The following RPSA variants were observed in gnomAD, a reference collection of about 807,000 sequenced individuals.
RPSA encodes the protein ribosomal protein SA, also known as small ribosomal subunit protein uS2.
For missense variants in RPSA, 140 were observed against 372.8 expected, an observed-to-expected ratio of 0.38 and a Z score of 5.14; for synonymous variants, 103 against 126.7, an observed-to-expected ratio of 0.81 and a Z score of 1.25.
chr3:39,407,634 C>T lies in RPSA; in HGVS notation c.-20C>T, dbSNP rs1207373945. The T allele has an allele frequency of 2.5e-6, 4 of 1,592,774 alleles. No individual in the cohort carries two copies. Among genetic ancestry groups the T allele is most frequent in the Admixed American group, 1.7e-5 (1 of 59,976 alleles). ...CTCTTATTTCAGATTCCCGTCGTAA[C>T]TTAAAGGGAAATTTTCACAATGTCC... On this transcript the variant is annotated 5_prime_UTR_variant, in exon 2 of 7. Coordinates refer to ENST00000301821, the MANE Select transcript of RPSA (RefSeq NM_002295.6).
chr3:39,408,862 G>A lies in RPSA; in HGVS notation c.252+138G>A, dbSNP rs934871543. Reference sequence around the variant, plus strand: ...GCCTGTAATCCCAGCACTTTGGGAGGTGGAGTCCGGCGTATTACGAGGTCA... The same window carrying A: ...GCCTGTAATCCCAGCACTTTGGGAGATGGAGTCCGGCGTATTACGAGGTCA... On this transcript the variant is annotated intron_variant, in intron 3 of 6. Transcript: ENST00000301821. 9.1e-5 allele frequency: 61 copies of A among 669,850 alleles called. No individual in the cohort carries two copies. The African/African-American group carries it at 1.0e-3, about 12-fold the overall frequency. The allele number at this position is 669,850 out of a possible 1,614,324, so 41.5% of individuals were successfully genotyped here.
intron 4 of RPSA, chr3:39,411,288 T>C: frequency 4.5e-6 from 3 of 667,934 alleles, no homozygotes; most frequent in Non-Finnish European, 8.3e-6. Flanking sequence ...TCCATGTTTC[T>C]TGCTCAGGCC....
intron 6 of RPSA, 93 bp from the exon 7 acceptor site, chr3:39,412,181 A>G: frequency 7.6e-7 from 1 of 1,321,840 alleles, no homozygotes; most frequent in Non-Finnish European, 1.1e-6. Flanking sequence ...CCAGTGTGCT[A>G]CAGCATCTGA....
rs150448387 is a variant in RPSA, at chr3:39,410,503, A to T, written c.253-251A>T. On this transcript the variant is annotated intron_variant, in intron 3 of 6. Coordinates refer to ENST00000301821, the MANE Select transcript of RPSA (RefSeq NM_002295.6). ...CAGTTCTTGCTTGCTTGAGAAAAATATACTGAGCATCTAGATTGGGCCAGG... is the reference window on the plus strand; with the variant it reads ...CAGTTCTTGCTTGCTTGAGAAAAATTTACTGAGCATCTAGATTGGGCCAGG... The T allele has an allele frequency of 2.8e-3, 1,417 of 508,242 alleles. 5 individuals are homozygous for T. Among genetic ancestry groups the T allele is most frequent in the Non-Finnish European group, 4.1e-3 (1,154 of 280,070 alleles). 31.5% of individuals were successfully genotyped at this position (508,242 alleles called of 1,614,324 possible).
chr3:39,412,297 A>G lies in RPSA; in HGVS notation c.817A>G (p.Thr273Ala). The G allele has an allele frequency of 6.2e-7, 1 of 1,611,094 alleles. No homozygotes were observed. The highest frequency in any genetic ancestry group is 8.5e-7 in the Non-Finnish European group (1 of 1,177,526). The change falls in exon 7 of 7, where the codon ACG becomes GCG. Residue 273 changes from threonine to alanine, a missense_variant. Coordinates refer to ENST00000301821, the MANE Select transcript of RPSA (RefSeq NM_002295.6). The part of the protein sequence containing the change: ...PTEDWSAQPA[T>A]EDWSAAPTAQ... ...AGAAGACTGGAGCGCTCAGCCTGCC[A>G]CGGAAGACTGGTCTGCAGCTCCCAC...
At chr3:39,407,491 C>G in intron 1 of RPSA, 130 bp from the exon 2 acceptor site, 1 of 749,616 alleles carries the variant, frequency 1.3e-6, no homozygotes, top group Non-Finnish European at 2.4e-6. Context: ...GGTTAACTTT[C>G]TGTTTACCCT....
intron 1 of RPSA, chr3:39,407,001 T>A (rs939733992): frequency 1.8e-5 from 8 of 453,124 alleles, no homozygotes; most frequent in Non-Finnish European, 3.1e-5. Flanking sequence ...GAGCTGGGGT[T>A]CGGACCAGGC....
At chr3:39,408,290 AAG>A in intron 2 of RPSA, 2 of 507,324 alleles carry the variant, frequency 3.9e-6, no homozygotes, top group South Asian at 3.5e-5. Flanking sequence ...ATAAAAGGGA[AAG>A]AGTGGCAGAA....
At chr3:39,408,365 ATGG>A in intron 2 of RPSA, 1 of 704,180 alleles carries the variant, frequency 1.4e-6, no homozygotes, top group Non-Finnish European at 2.6e-6. Flanking sequence ...GAAAGGAAAG[ATGG>A]ATTTAGCCAA....
Position 39,411,876 on chromosome 3 carries a change from C to CTT in RPSA, c.628-11_628-10dup, listed in dbSNP as rs201617825. The CTT allele has an allele frequency of 3.0e-6, 4 of 1,344,746 alleles. No individual in the cohort carries two copies. The highest frequency in any genetic ancestry group is 1.3e-5 in the South Asian group (1 of 77,396). 83.3% of individuals were successfully genotyped at this position (1,344,746 alleles called of 1,614,324 possible). On this transcript the variant is annotated intron_variant, in intron 5 of 6. Transcript: ENST00000301821. The stretch of plus-strand genomic sequence containing the variant: ...TTGTCAGTCCCTGTAAGTCTTTCCT[C>CTT]TTTTTTTTTTGTAACCCAGATTGAA...
intron 3 of RPSA, among the ~76,000 whole-genome samples, chr3:39,409,696 A>G (rs562768729): frequency 7.7e-4 from 117 of 152,344 alleles, no homozygotes; most frequent in African/African-American, 2.6e-3. Context: ...TTAGCCAGTC[A>G]TGACGGCATG....
In RPSA at chr3:39,412,522, G is replaced by C; in HGVS notation, c.*154G>C. ...AAGCATAATAATAAATACATGTCTC[G>C]ACATGAGTTGTACTTCTAAAGCCCA... is the stretch of plus-strand genomic sequence containing the variant. On this transcript the variant is annotated 3_prime_UTR_variant, in exon 7 of 7. Transcript: ENST00000301821. 1.7e-6 allele frequency: 1 copy of C among 602,176 alleles called. No homozygotes were observed. The highest frequency in any genetic ancestry group is 2.9e-6 in the Non-Finnish European group (1 of 340,060). 37.3% of individuals were successfully genotyped at this position (602,176 alleles called of 1,614,324 possible).
intron 3 of RPSA, 111 bp from the exon 4 acceptor site, chr3:39,410,643 C>A: frequency 8.1e-7 from 1 of 1,232,034 alleles, no homozygotes; most frequent in Non-Finnish European, 1.2e-6. Context: ...TATGTGCCTG[C>A]TTTACATGGA....
In RPSA at chr3:39,408,601, CT is replaced by C; in HGVS notation, c.134-3del. 6.7e-7 allele frequency: 1 copy of C among 1,491,240 alleles called. No homozygotes were observed. The allele number at this position is 1,491,240 out of a possible 1,614,324, so 92.4% of individuals were successfully genotyped here. ...AGTGTTACAAATCCTTCTGCCCTCACTTAGGCATCTATATCATAAATCTCAA... is the reference window on the plus strand; with the variant it reads ...AGTGTTACAAATCCTTCTGCCCTCACTAGGCATCTATATCATAAATCTCAA... On this transcript the variant is annotated splice_region_variant and splice_polypyrimidine_tract_variant and intron_variant, in intron 2 of 6. Transcript: ENST00000301821.
intron 1 of RPSA, chr3:39,407,099 G>C: frequency 2.3e-6 from 1 of 428,230 alleles, no homozygotes; most frequent in Non-Finnish European, 4.6e-6. Context: ...CTAGGCCCAG[G>C]CGCTGATTTA....
intron 4 of RPSA, 190 bp downstream of exon 4, chr3:39,411,189 G>A: frequency 1.3e-6 from 1 of 769,488 alleles, no homozygotes; most frequent in South Asian, 1.4e-5. Context: ...GAGTTTGATA[G>A]TAATTCTTGC....
rs1229607405 is a variant in RPSA at position 39,406,751 on chromosome 3, C to G, written c.-47C>G. ...CGTGCTACCTGCAGAGGGGTCCATA[C>G]GGCGTTGTTCTGGGTGAGTTCCGTG... is the stretch of plus-strand genomic sequence containing the variant. On this transcript the variant is annotated 5_prime_UTR_variant, in exon 1 of 7. Transcript: ENST00000301821. 6 of 413,696 alleles carry G rather than the reference C, an allele frequency of 1.5e-5. No homozygotes were observed. Among genetic ancestry groups the G allele is most frequent in the African/African-American group, 2.1e-5 (1 of 47,922 alleles). The allele number at this position is 413,696 out of a possible 1,614,324, so 25.6% of individuals were successfully genotyped here. A position where few individuals can be genotyped will look rare whatever the true frequency, so the allele number is the denominator to read the frequency against.
At chr3:39,408,271 G>T in intron 2 of RPSA, 1 of 481,066 alleles carries the variant, frequency 2.1e-6, no homozygotes, top group East Asian at 4.6e-5. Flanking sequence ...TCTTGCATCA[G>T]TGCAGATTAT....
chr3:39,408,327 C>T (rs1366022384), intron 2 of RPSA: 1 of 599,758 alleles, frequency 1.7e-6, no homozygotes, highest in Admixed American at 2.1e-5. Context: ...TTATTAAGAA[C>T]CAATGATGGA....
Sources: allele counts gnomAD v4.1 joint callset (sites outside exome capture counted in the v4.1 genomes callset), GRCh38; gene constraint gnomAD v4.1.1; transcripts MANE v1.5; gene names NCBI Gene and HGNC (gene_info 2026-07-23, HGNC 2026-07-21).